Variants in LRRC4C observed in about 807,000 individuals in gnomAD.
LRRC4C encodes leucine rich repeat containing 4C, also known as leucine-rich repeat-containing protein 4C.
A neutral mutation model predicts 33.6 loss-of-function variants in LRRC4C; 5 were observed. That is an observed-to-expected ratio of 0.15 (90% CI 0.08 to 0.31). The LOEUF (loss-of-function observed/expected upper bound fraction) is 0.31. LRRC4C is among the 10% of genes least tolerant of loss of function. The probability of loss-of-function intolerance (pLI) is 1.00; values close to 1 mark genes in which losing one functional copy is unlikely to be tolerated. For missense variants in LRRC4C, 560 were observed against 796.7 expected, an observed-to-expected ratio of 0.70 and a Z score of 3.58; for synonymous variants, 329 against 302.0, an observed-to-expected ratio of 1.09 and a Z score of -0.93.
chr11:41,178,497 G>A (rs780725286), intron 1 of LRRC4C, among the ~76,000 whole-genome samples: 2 of 152,060 alleles, frequency 1.3e-5, no homozygotes, highest in South Asian at 2.1e-4. Context: ...GGAACTACAG[G>A]GGTGCACCAC....
intron 1 of LRRC4C, among the ~76,000 whole-genome samples, chr11:41,406,073 G>C (rs978628844): frequency 3.4e-5 from 5 of 148,410 alleles, no homozygotes; most frequent in African/African-American, 4.9e-5. Context: ...AAATGGTATA[G>C]AGGGGAGTAA....
chr11:41,378,459 C>T (rs928584401), intron 1 of LRRC4C, among the ~76,000 whole-genome samples: 2 of 152,088 alleles, frequency 1.3e-5, no homozygotes, highest in Non-Finnish European at 2.9e-5. Flanking sequence ...AAAACCTGTT[C>T]TAAAAGCAGC....
chr11:41,360,115 G>A (rs375401417), intron 1 of LRRC4C, among the ~76,000 whole-genome samples: 1 of 152,248 alleles, frequency 6.6e-6, no homozygotes, highest in African/African-American at 2.4e-5. Context: ...CCTGGGAGGC[G>A]GAGGTGGCAG....
At chr11:40,220,481 GC>G (rs1864323296) in intron 5 of LRRC4C, among the ~76,000 whole-genome samples, 1 of 152,094 alleles carries the variant, frequency 6.6e-6, no homozygotes, top group African/African-American at 2.4e-5. Flanking sequence ...TAGAATGAAG[GC>G]CTAAATATGA....
chr11:40,215,945 T>C (rs1863942247), intron 5 of LRRC4C, among the ~76,000 whole-genome samples: 1 of 152,104 alleles, frequency 6.6e-6, no homozygotes, highest in Non-Finnish European at 1.5e-5. Context: ...TCAAGAATAC[T>C]GAGAGGGAAA....
chr11:40,766,425 T>G (rs1949465075), intron 2 of LRRC4C, among the ~76,000 whole-genome samples: 1 of 139,980 alleles, frequency 7.1e-6, no homozygotes, highest in African/African-American at 2.7e-5. Flanking sequence ...CAAAACTCAC[T>G]GGTAATAGAA....
intron 1 of LRRC4C, among the ~76,000 whole-genome samples, chr11:41,142,883 C>A (rs1221897578): frequency 6.6e-6 from 1 of 152,112 alleles, no homozygotes; most frequent in African/African-American, 2.4e-5. Flanking sequence ...AGTATTTCCC[C>A]ATTTATAGTG....
chr11:40,904,898 G>A (rs1956352634), intron 2 of LRRC4C, among the ~76,000 whole-genome samples: 1 of 152,156 alleles, frequency 6.6e-6, no homozygotes, highest in African/African-American at 2.4e-5. Context: ...GATGTTCAAA[G>A]GATGAAGCCA....
chr11:40,295,020 T>C (rs1460783137), intron 4 of LRRC4C, among the ~76,000 whole-genome samples: 2 of 152,120 alleles, frequency 1.3e-5, no homozygotes, highest in Admixed American at 6.6e-5. Context: ...GTTCAGTTTG[T>C]ACAAGACATC....
chr11:40,670,619 C>T (rs902591881), intron 2 of LRRC4C, among the ~76,000 whole-genome samples: 6 of 152,146 alleles, frequency 3.9e-5, no homozygotes, highest in Admixed American at 2.0e-4. Flanking sequence ...CATAAAACCA[C>T]CAGCAGCAAA....
intron 3 of LRRC4C, among the ~76,000 whole-genome samples, chr11:40,493,273 T>C (rs1954256850): frequency 6.6e-6 from 1 of 152,094 alleles, no homozygotes; most frequent in Non-Finnish European, 1.5e-5. Context: ...AGGCTTGTAC[T>C]ATATAATTTT....
chr11:41,218,368 C>T (rs1320575081), intron 1 of LRRC4C, among the ~76,000 whole-genome samples: 5 of 152,144 alleles, frequency 3.3e-5, no homozygotes, highest in Non-Finnish European at 7.4e-5. Context: ...AAGAAACAAA[C>T]CCCTCCATTC....
At chr11:40,587,454 G>A (rs1243158264) in intron 3 of LRRC4C, among the ~76,000 whole-genome samples, 2 of 147,076 alleles carry the variant, frequency 1.4e-5, no homozygotes, top group Non-Finnish European at 3.0e-5. Context: ...TTTCCTAATT[G>A]AATACCCTTT....
intron 1 of LRRC4C, among the ~76,000 whole-genome samples, chr11:41,085,912 G>C (rs2135514419): frequency 9.2e-6 from 1 of 108,694 alleles, no homozygotes; most frequent in Middle Eastern, 8.5e-3. Flanking sequence ...GGATTCATAA[G>C]TGATTTTTAA....
intron 3 of LRRC4C, among the ~76,000 whole-genome samples, chr11:40,561,369 T>G (rs1957538884): frequency 1.3e-5 from 2 of 150,796 alleles, no homozygotes; most frequent in Admixed American, 1.3e-4. Flanking sequence ...GTCTATATGC[T>G]CACTAGCGGA....
At chr11:41,071,975 C>G (rs1006263089) in intron 1 of LRRC4C, among the ~76,000 whole-genome samples, 1 of 152,086 alleles carries the variant, frequency 6.6e-6, no homozygotes, top group South Asian at 2.1e-4. Flanking sequence ...ATAAGAATTG[C>G]AGCCCGGAGA....
intron 2 of LRRC4C, among the ~76,000 whole-genome samples, chr11:40,783,227 T>C (rs1565056888): frequency 6.6e-6 from 1 of 152,142 alleles, no homozygotes. Flanking sequence ...AATTTTAAGG[T>C]GTTCGGTGAT....
At chr11:40,877,130 A>AT (rs973023062) in intron 2 of LRRC4C, among the ~76,000 whole-genome samples, 25 of 77,662 alleles carry the variant, frequency 3.2e-4, no homozygotes, top group South Asian at 1.5e-3. Flanking sequence ...TTCAGGTGAC[A>AT]TTTTTTTTTG....
chr11:40,984,627 T>G (rs911427245), intron 1 of LRRC4C, among the ~76,000 whole-genome samples: 13 of 152,096 alleles, frequency 8.5e-5, no homozygotes, highest in Admixed American at 8.5e-4. Context: ...CTCTCCAATA[T>G]AGCAAAGAAT....
Sources: gnomAD v4.1 joint callset for allele counts (sites outside exome capture counted in the v4.1 genomes callset) on GRCh38, gnomAD v4.1.1 for gene constraint, MANE v1.5 for transcripts, NCBI Gene and HGNC (gene_info 2026-07-23, HGNC 2026-07-21) for gene names.